ADGRE3: variants seen among roughly 807,000 people sequenced by gnomAD.
The protein encoded by ADGRE3 is adhesion G protein-coupled receptor E3, also known as EGF-like module receptor 3.
Under a neutral mutation model 80.1 loss-of-function variants are expected in ADGRE3, and 88 were observed. The observed-to-expected ratio is 1.10, with a 90% CI of 0.93 to 1.31. ADGRE3 has a LOEUF of 1.31. Ranked by LOEUF, ADGRE3 falls within the 40% of genes most tolerant of loss-of-function variation. ADGRE3 has a pLI of 0.00. For synonymous variants in ADGRE3, 281 were observed against 294.8 expected (o/e 0.95, Z 0.48); for missense variants, 715 against 776.5 (o/e 0.92, Z 0.94).
intron 1 of ADGRE3, 80 bp from the exon 2 acceptor site, chr19:14,668,932 T>C (rs1972178259): frequency 2.2e-6 from 3 of 1,348,616 alleles, no homozygotes; most frequent in Admixed American, 1.7e-5. Flanking sequence ...GGACTGTGTA[T>C]CAGTTATCTA....
chr19:14,606,234 T>C, the ADGRE3 span, among the ~76,000 whole-genome samples: 1 of 152,056 alleles, frequency 6.6e-6, no homozygotes, highest in Admixed American at 6.6e-5. Flanking sequence ...TACTAAGACG[T>C]CCACAGTATG....
chr19:14,656,855 T>A (rs146415548), intron 5 of ADGRE3, among the ~76,000 whole-genome samples: 4 of 152,282 alleles, frequency 2.6e-5, no homozygotes, highest in African/African-American at 7.2e-5. Context: ...ACCCTCACCA[T>A]CTGCCTAAGT....
intron 7 of ADGRE3, among the ~76,000 whole-genome samples, chr19:14,650,031 TCCCCATCCCTCTCTTCCCATCTCTCTCC>T (rs1971541712): frequency 6.7e-6 from 1 of 150,040 alleles, no homozygotes. Flanking sequence ...TCCATCTCTC[TCCCCATCCCTCTCTTCCCATCTCTCTCC>T]CCATCTCTTG....
intron 2 of ADGRE3, among the ~76,000 whole-genome samples, chr19:14,665,484 TG>T (rs1257947272): frequency 6.6e-6 from 1 of 152,024 alleles, no homozygotes; most frequent in Non-Finnish European, 1.5e-5. Context: ...TTTTGGATTT[TG>T]TTTTATTTTA....
intron 4 of ADGRE3, 63 bp from the exon 5 acceptor site, chr19:14,658,613 C>A (rs1006154191): frequency 1.5e-6 from 2 of 1,324,610 alleles, no homozygotes. Flanking sequence ...GAGGGGTGGG[C>A]AGGTGGGGTA....
chr19:14,644,195 G>T lies in ADGRE3; in HGVS notation c.963C>A (p.Cys321Ter). 6.2e-7 allele frequency: 1 copy of T among 1,608,916 alleles called. No individual in the cohort carries two copies. The highest frequency in any genetic ancestry group is 8.5e-7 in the Non-Finnish European group (1 of 1,177,714). Residue 321 changes from cysteine to a stop codon, truncating the protein, a stop_gained, in exon 9 of 16, where the codon TGC becomes TGA. Coordinates refer to ENST00000253673, the MANE Select transcript of ADGRE3 (RefSeq NM_032571.5). LOFTEE classifies it high-confidence loss of function. ...GQGSQWSRDG[C>*]FLIHVNKSHT... ...GACTCTTGTTCACGTGTATCAGGAA[G>T]CAGCCATCCCTGGACCACTGGCTGC...
intron 7 of ADGRE3, among the ~76,000 whole-genome samples, chr19:14,649,080 A>G (rs1383517463): frequency 3.7e-5 from 4 of 108,640 alleles, no homozygotes; most frequent in African/African-American, 1.5e-4. Context: ...CTCTCTCCCT[A>G]TCTCTCTTTC....
rs1415988959 is a variant in ADGRE3, at chr19:14,620,537, T to TATATATATATATAATA, written c.1921-1067_1921-1066insTATTATATATATATAT. Among the ~76,000 whole-genome samples the TATATATATATATAATA allele has an allele frequency of 7.0e-4, 13 of 18,448 alleles. 2 individuals carry two copies. The highest frequency in any genetic ancestry group is 3.4e-3 in the African/African-American group (11 of 3,270). 12.1% of individuals were successfully genotyped at this position (18,448 alleles called of 152,430 possible). On this transcript the variant is annotated intron_variant, in intron 15 of 15. Coordinates refer to ENST00000253673, the MANE Select transcript of ADGRE3 (RefSeq NM_032571.5). ...ATGACTATATATGAATATATATATT[T>TATATATATATATAATA]TATATATATATTATATATATATATA... is the stretch of plus-strand genomic sequence containing the variant.
At chr19:14,661,743 A>T (rs995136207) in intron 4 of ADGRE3, among the ~76,000 whole-genome samples, 7 of 152,138 alleles carry the variant, frequency 4.6e-5, no homozygotes, top group Non-Finnish European at 8.8e-5. Flanking sequence ...AGCGTGGATC[A>T]AGAAAAATTA....
At chr19:14,620,458 A>ATATATATGTATATTCATGTATATATGAG (rs1970521812) in intron 15 of ADGRE3, among the ~76,000 whole-genome samples, 1 of 139,934 alleles carries the variant, frequency 7.1e-6, no homozygotes, top group Non-Finnish European at 1.5e-5. Context: ...GTATATATGA[A>ATATATATGTATATTCATGTATATATGAG]TATATGAATA....
intron 5 of ADGRE3, 90 bp from the exon 6 acceptor site, chr19:14,655,255 G>T: frequency 2.5e-6 from 3 of 1,197,892 alleles, no homozygotes; most frequent in Non-Finnish European, 3.5e-6. Flanking sequence ...GAGAAAGCAG[G>T]CTCTGGAGCT....
chr19:14,655,670 C>T (rs1407550585), intron 5 of ADGRE3, among the ~76,000 whole-genome samples: 1 of 151,816 alleles, frequency 6.6e-6, no homozygotes, highest in Non-Finnish European at 1.5e-5. Context: ...CTATGTTGCC[C>T]AGGCTGGTCT....
chr19:14,630,398 T>TTTATG (rs1159597315), intron 13 of ADGRE3, among the ~76,000 whole-genome samples, 191 bp from the exon 14 acceptor site: 1 of 58,768 alleles, frequency 1.7e-5, no homozygotes, highest in Non-Finnish European at 4.4e-5. Context: ...CTCATCTTAT[T>TTTATG]TTATTTTATT....
In ADGRE3 at chr19:14,634,108, C is replaced by T. The variant is rs558777649; in HGVS notation, c.1485-806G>A. ...CAGCTTTGATTACACATTTTGATTG[C>T]AACTTTGATCCACACATCATGTGAC... On this transcript the variant is annotated intron_variant, in intron 11 of 15. Coordinates refer to ENST00000253673, the MANE Select transcript of ADGRE3 (RefSeq NM_032571.5). Among the ~76,000 whole-genome samples the T allele has an allele frequency of 1.9e-3, 287 of 152,172 alleles. 1 individual carries two copies. Among genetic ancestry groups the T allele is most frequent in the African/African-American group, 6.5e-3 (270 of 41,530 alleles).
chr19:14,600,122 C>G, the ADGRE3 span: 1 of 1,613,978 alleles, frequency 6.2e-7, no homozygotes, highest in Non-Finnish European at 8.5e-7. Context: ...GGGATGAGGC[C>G]CGGATGTTCT....
chr19:14,643,370 TC>T (rs1188095469), intron 9 of ADGRE3, among the ~76,000 whole-genome samples: 1 of 152,036 alleles, frequency 6.6e-6, no homozygotes, highest in Non-Finnish European at 1.5e-5. Context: ...GGTCTTGATC[TC>T]CTGACCTCGT....
At chr19:14,626,314 G>A (rs532232061) in intron 14 of ADGRE3, among the ~76,000 whole-genome samples, 1 of 152,116 alleles carries the variant, frequency 6.6e-6, no homozygotes, top group Non-Finnish European at 1.5e-5. Flanking sequence ...GCTCATGACT[G>A]TAATCCCAGC....
chr19:14,627,013 A>G (rs1430037293), intron 14 of ADGRE3, among the ~76,000 whole-genome samples: 1 of 152,210 alleles, frequency 6.6e-6, no homozygotes, highest in African/African-American at 2.4e-5. Flanking sequence ...ACAGAAGCCA[A>G]AGGGATATGA....
chr19:14,663,488 G>A lies in ADGRE3; in HGVS notation c.129C>T (p.Cys43=), dbSNP rs771126395. Residue 43 remains cysteine, a synonymous_variant, in exon 3 of 16, where the codon TGC becomes TGT. Transcript: ENST00000253673. ...CAGAAGTATATCCATGGTTGCAGGTGCAGTGAGTGTTATTGACACAGGAAG... is the reference window on the plus strand; with the variant it reads ...CAGAAGTATATCCATGGTTGCAGGTACAGTGAGTGTTATTGACACAGGAAG... ...PNASCVNNTH[C]TCNHGYTSGS... is the part of the protein sequence containing the mutation. 14 of 1,613,406 alleles carry A rather than the reference G, an allele frequency of 8.7e-6. No individual in the cohort carries two copies. The highest frequency in any genetic ancestry group is 1.2e-5 in the Non-Finnish European group (14 of 1,179,596).
Sources: allele counts gnomAD v4.1 joint callset (sites outside exome capture counted in the v4.1 genomes callset), GRCh38; gene constraint gnomAD v4.1.1; transcripts MANE v1.5; gene names NCBI Gene and HGNC (gene_info 2026-07-23, HGNC 2026-07-21).